PARN: variants seen among roughly 807,000 people sequenced by gnomAD.
PARN encodes the protein poly(A)-specific ribonuclease PARN.
Under a neutral mutation model 102.8 loss-of-function variants are expected in PARN, and 71 were observed. The ratio of observed to expected loss-of-function variants is 0.69; its 90% CI spans 0.57 to 0.84. PARN has a LOEUF of 0.84. PARN is among the 40% of genes least tolerant of loss of function. The probability of loss-of-function intolerance (pLI) is 0.00; values close to 1 mark genes in which losing one functional copy is unlikely to be tolerated. For synonymous variants in PARN, 261 were observed against 252.9 expected, an observed-to-expected ratio of 1.03 and a Z score of -0.30; for missense variants, 782 against 760.9, an observed-to-expected ratio of 1.03 and a Z score of -0.33.
chr16:14,629,723 C>A (rs1353116691), intron 1 of PARN, 49 bp from the exon 2 acceptor site: 1 of 1,395,838 alleles, frequency 7.2e-7, no homozygotes, highest in Non-Finnish European at 1.0e-6. Flanking sequence ...TGAATTCCTG[C>A]TAAGGGGAGA....
Position 14,436,776 on chromosome 16 carries a change from G to A in PARN, c.1865-4C>T, listed in dbSNP as rs377520054. ...GGGCTGTTCTTCGAGATGCTTCCTG[G>A]TGGGAAAGAACAAAACAATATGAAC... On this transcript the variant is annotated splice_region_variant and splice_polypyrimidine_tract_variant and intron_variant, in intron 23 of 23. Coordinates refer to ENST00000437198, the MANE Select transcript of PARN (RefSeq NM_002582.4). The A allele has an allele frequency of 6.3e-7, 1 of 1,582,336 alleles. No individual in the cohort carries two copies. Among genetic ancestry groups the A allele is most frequent in the East Asian group, 2.3e-5 (1 of 43,598 alleles).
chr16:14,485,067 G>T (rs1963593973), intron 21 of PARN, among the ~76,000 whole-genome samples: 1 of 152,168 alleles, frequency 6.6e-6, no homozygotes. Flanking sequence ...AAAAGAAAGT[G>T]CTAGAGAATG....
intron 21 of PARN, among the ~76,000 whole-genome samples, chr16:14,544,603 A>G (rs1409238131): frequency 1.3e-5 from 2 of 152,190 alleles, no homozygotes; most frequent in African/African-American, 4.8e-5. Flanking sequence ...AAAAGAATAT[A>G]CCAGGCAAAT....
At chr16:14,528,431 G>A (rs954660319) in intron 21 of PARN, among the ~76,000 whole-genome samples, 1 of 152,202 alleles carries the variant, frequency 6.6e-6, no homozygotes, top group African/African-American at 2.4e-5. Context: ...GTACAGACAG[G>A]TGAAGACCTG....
chr16:14,515,073 G>A (rs755613723), intron 21 of PARN, among the ~76,000 whole-genome samples: 6 of 152,138 alleles, frequency 3.9e-5, no homozygotes, highest in South Asian at 2.1e-4. Context: ...CAAACTTGCC[G>A]TTGTCACTGT....
At chr16:14,449,976 T>C (rs1299834812) in intron 22 of PARN, among the ~76,000 whole-genome samples, 1 of 152,192 alleles carries the variant, frequency 6.6e-6, no homozygotes, top group Non-Finnish European at 1.5e-5. Flanking sequence ...TTAGAAGATA[T>C]ACCTCCTACA....
chr16:14,551,244 T>C (rs1457180182), intron 21 of PARN, among the ~76,000 whole-genome samples: 2 of 151,714 alleles, frequency 1.3e-5, no homozygotes, highest in East Asian at 4.0e-4. Flanking sequence ...GAACCATATT[T>C]TAAAAGCAAA....
Position 14,477,715 on chromosome 16 carries a change from GT to G in PARN, c.1670+4922del, listed in dbSNP as rs575911019. Reference sequence around the variant, plus strand: ...AATTGCTTGAACCAGGGAGTTGGAGGTTGCAGTGAGCCGAGATTGCGCCACT... The same window carrying G: ...AATTGCTTGAACCAGGGAGTTGGAGGTGCAGTGAGCCGAGATTGCGCCACT... On this transcript the variant is annotated intron_variant, in intron 22 of 23. Coordinates refer to ENST00000437198, the MANE Select transcript of PARN (RefSeq NM_002582.4). 2.0e-5 allele frequency among the ~76,000 whole-genome samples: 3 copies of G among 151,936 alleles called. No individual in the cohort carries two copies. The East Asian group carries it at 5.8e-4, about 30-fold the overall frequency.
chr16:14,518,265 C>T (rs1220936798), intron 21 of PARN, among the ~76,000 whole-genome samples: 1 of 130,046 alleles, frequency 7.7e-6, no homozygotes, highest in Non-Finnish European at 1.6e-5. Context: ...ACACTCCAGC[C>T]TAGGCAACAG....
intron 21 of PARN, among the ~76,000 whole-genome samples, chr16:14,502,179 A>G (rs986397716): frequency 6.6e-6 from 1 of 152,190 alleles, no homozygotes; most frequent in Non-Finnish European, 1.5e-5. Flanking sequence ...AAAGCATCTA[A>G]GACTGGAGTC....
Position 14,552,050 on chromosome 16 carries a change from G to A in PARN, c.1451C>T (p.Ser484Phe). 4 of 1,612,626 alleles carry A rather than the reference G, an allele frequency of 2.5e-6. No homozygotes were observed. Among genetic ancestry groups the A allele is most frequent in the Non-Finnish European group, 3.4e-6 (4 of 1,178,890 alleles). ...SWIDDTSAFV[S>F]LSQPEQVKIA... Reference sequence around the variant, plus strand: ...CTTTACTTGCTCGGGCTGGCTAAGGGAAACAAATGCTGATGTGTCATCAAT... The same window carrying A: ...CTTTACTTGCTCGGGCTGGCTAAGGAAAACAAATGCTGATGTGTCATCAAT... The change falls in exon 21 of 24, where the codon TCC (serine) becomes TTC (phenylalanine). Residue 484 changes from serine to phenylalanine, a missense_variant. By Grantham distance (155) the Ser-to-Phe change is radical. Coordinates refer to ENST00000437198, the MANE Select transcript of PARN (RefSeq NM_002582.4).
At chr16:14,528,774 A>C (rs1409815159) in intron 21 of PARN, among the ~76,000 whole-genome samples, 2 of 152,112 alleles carry the variant, frequency 1.3e-5, no homozygotes, top group Non-Finnish European at 2.9e-5. Context: ...GTTACATCAA[A>C]CACCACCGAT....
intron 21 of PARN, among the ~76,000 whole-genome samples, chr16:14,489,394 G>A (rs1404382720): frequency 7.1e-6 from 1 of 140,440 alleles, no homozygotes; most frequent in African/African-American, 2.7e-5. Flanking sequence ...GCAGTGAGCC[G>A]AGATCGTGCC....
chr16:14,523,224 TACACACAC>T lies in PARN; in HGVS notation c.1480+28789_1480+28796del, dbSNP rs35250440. On this transcript the variant is annotated intron_variant, in intron 21 of 23. Transcript: ENST00000437198. ...AGAATTATAAAGAAAAACTAACAAG[TACACACAC>T]ACACACACACACACACACACACACA... 8.1e-3 allele frequency among the ~76,000 whole-genome samples: 1,167 copies of T among 144,176 alleles called. 18 individuals are homozygous for T. The highest frequency in any genetic ancestry group is 0.026 in the African/African-American group (1,035 of 39,086). The allele number at this position is 144,176 out of a possible 152,430, so 94.6% of individuals were successfully genotyped here. A position where few individuals can be genotyped will look rare whatever the true frequency, so the allele number is the denominator to read the frequency against.
intron 21 of PARN, among the ~76,000 whole-genome samples, chr16:14,534,222 A>G (rs982142316): frequency 7.4e-5 from 10 of 135,338 alleles, no homozygotes; most frequent in Admixed American, 2.2e-4. Flanking sequence ...CCTGTCTCAG[A>G]AAAAAAAAAA....
In PARN at chr16:14,457,931, G is replaced by GGT. The variant is rs565874587; in HGVS notation, c.1671-10852_1671-10851dup. Among the ~76,000 whole-genome samples the GGT allele has an allele frequency of 5.8e-3, 841 of 145,694 alleles. 2 individuals are homozygous for GGT. The highest frequency in any genetic ancestry group is 0.016 in the African/African-American group (639 of 40,432). The stretch of plus-strand genomic sequence containing the variant: ...GTGTGTGTGTGGGGGTGTGTGTGTG[G>GGT]GTGTGTGTGTGTGTGTGAGAGAGAG... On this transcript the variant is annotated intron_variant, in intron 22 of 23. Coordinates refer to ENST00000437198, the MANE Select transcript of PARN (RefSeq NM_002582.4).
At position 14,482,764 on chromosome 16, in the gene PARN, C is replaced by A. The variant is rs762840315; in HGVS notation, c.1544G>T (p.Arg515Ile). ...TTTGATCTGCTTCTCTTCCTGTTTT[C>A]TCCCCATATATTCAGCATAGGTTTG... is the stretch of plus-strand genomic sequence containing the variant. ...RIQTYAEYMGRKQEEKQIKRK... is the reference protein window; with the variant it reads ...RIQTYAEYMGIKQEEKQIKRK... Residue 515 changes from arginine to isoleucine, a missense_variant, in exon 22 of 24, where the codon AGA becomes ATA. Transcript: ENST00000437198. The A allele has an allele frequency of 2.5e-5, 40 of 1,613,894 alleles. No homozygotes were observed. The highest frequency in any genetic ancestry group is 3.4e-5 in the Non-Finnish European group (40 of 1,179,816).
At chr16:14,623,169 G>A (rs1972427212) in intron 5 of PARN, among the ~76,000 whole-genome samples, 1 of 151,502 alleles carries the variant, frequency 6.6e-6, no homozygotes, top group Non-Finnish European at 1.5e-5. Flanking sequence ...GTACATAAAA[G>A]CTAGGAAAAA....
chr16:14,444,477 A>G (rs1961101404), intron 23 of PARN, among the ~76,000 whole-genome samples: 1 of 152,216 alleles, frequency 6.6e-6, no homozygotes, highest in Non-Finnish European at 1.5e-5. Flanking sequence ...TTTTCACTTA[A>G]AATGATGAAA....
Sources: gnomAD v4.1 joint callset for allele counts (sites outside exome capture counted in the v4.1 genomes callset) on GRCh38, gnomAD v4.1.1 for gene constraint, MANE v1.5 for transcripts, NCBI Gene and HGNC (gene_info 2026-07-23, HGNC 2026-07-21) for gene names.